The following C1orf50 variants were observed in gnomAD, a reference collection of about 807,000 sequenced individuals.
C1orf50 encodes the protein chromosome 1 open reading frame 50.
Under a neutral mutation model 23.3 loss-of-function variants are expected in C1orf50, and 22 were observed. That is an observed-to-expected ratio of 0.94 (90% CI 0.67 to 1.35). C1orf50 has a LOEUF of 1.35. Ranked by LOEUF, C1orf50 falls within the 40% of genes most tolerant of loss-of-function variation. The probability of loss-of-function intolerance (pLI) is 0.00; values close to 1 mark genes in which losing one functional copy is unlikely to be tolerated. For missense variants in C1orf50, 271 were observed against 249.4 expected (o/e 1.09, Z -0.58); for synonymous variants, 96 against 102.4 (o/e 0.94, Z 0.38).
chr1:42,771,951 C>T (rs2760074), intron 2 of C1orf50, among the ~76,000 whole-genome samples: 99,003 of 150,150 alleles, frequency 0.66, 32,876 homozygotes, highest in South Asian at 0.82. Context: ...TTCCAGCCTC[C>T]GTGACAGAGC....
intron 2 of C1orf50, among the ~76,000 whole-genome samples, chr1:42,770,741 T>C (rs893900818): frequency 1.1e-4 from 16 of 152,304 alleles, no homozygotes; most frequent in Admixed American, 2.6e-4. Flanking sequence ...CTTTCATTCT[T>C]GGAACAAAAT....
At chr1:42,770,619 A>G (rs1355339204) in intron 2 of C1orf50, among the ~76,000 whole-genome samples, 1 of 152,122 alleles carries the variant, frequency 6.6e-6, no homozygotes, top group African/African-American at 2.4e-5. Flanking sequence ...TTTAGTAGAG[A>G]CAGGGTTTCT....
At chr1:42,768,192 C>T (rs1653128243) in intron 2 of C1orf50, among the ~76,000 whole-genome samples, 1 of 152,136 alleles carries the variant, frequency 6.6e-6, no homozygotes, top group South Asian at 2.1e-4. Context: ...GAGTATTAAT[C>T]CCACTTTTGA....
At chr1:42,774,280 T>G (rs1653284947) in intron 3 of C1orf50, among the ~76,000 whole-genome samples, 1 of 152,120 alleles carries the variant, frequency 6.6e-6, no homozygotes, top group South Asian at 2.1e-4. Flanking sequence ...CAGGCTGGAC[T>G]GCAGTGGTGT....
Position 42,776,674 on chromosome 1 carries a change from C to T in C1orf50, c.*1280C>T, listed in dbSNP as rs1006009648. On this transcript the variant is annotated 3_prime_UTR_variant, in exon 5 of 5. Coordinates refer to ENST00000372525, the MANE Select transcript of C1orf50 (RefSeq NM_024097.4). ...ATCTAACAAACTCACTCCGATGATA[C>T]TTGGTTGCTCGGTTCACATGGGAAT... 3 of 152,224 alleles carry T rather than the reference C, an allele frequency of 2.0e-5. No homozygotes were observed. Among genetic ancestry groups the T allele is most frequent in the African/African-American group, 7.2e-5 (3 of 41,446 alleles). The allele number at this position is 152,224 out of a possible 1,614,324, so 9.4% of individuals were successfully genotyped here.
At position 42,779,187 on chromosome 1, in the gene C1orf50, C is replaced by T. The variant is rs912755270; in HGVS notation, c.*3793C>T. 1.3e-5 allele frequency: 2 copies of T among 151,870 alleles called. No individual in the cohort carries two copies. Among genetic ancestry groups the T allele is most frequent in the African/African-American group, 4.8e-5 (2 of 41,318 alleles). The allele number at this position is 151,870 out of a possible 1,614,324, so 9.4% of individuals were successfully genotyped here. On this transcript the variant is annotated 3_prime_UTR_variant, in exon 5 of 5. Transcript: ENST00000372525. The stretch of plus-strand genomic sequence containing the variant: ...GGTCAGGAGATTGAGACCATTCTGG[C>T]TAACATAGTGAAATCCTGTCTCTAC...
intron 3 of C1orf50, 41 bp downstream of exon 3, chr1:42,773,690 T>A: frequency 7.2e-7 from 1 of 1,382,646 alleles, no homozygotes; most frequent in Non-Finnish European, 1.0e-6. Context: ...TTTCTTTATT[T>A]AGTTCTCAGG....
intron 2 of C1orf50, among the ~76,000 whole-genome samples, chr1:42,768,615 A>G (rs538399036): frequency 4.6e-5 from 7 of 152,274 alleles, no homozygotes; most frequent in Non-Finnish European, 1.0e-4. Flanking sequence ...CCTTTAATTC[A>G]AAACTTGGCT....
intron 2 of C1orf50, among the ~76,000 whole-genome samples, chr1:42,769,356 G>A (rs1327651793): frequency 2.0e-5 from 3 of 151,616 alleles, no homozygotes; most frequent in East Asian, 3.9e-4. Context: ...GACCAACCTG[G>A]GCGACATGTG....
At chr1:42,770,910 C>T (rs918324335) in intron 2 of C1orf50, among the ~76,000 whole-genome samples, 5 of 152,004 alleles carry the variant, frequency 3.3e-5, no homozygotes, top group African/African-American at 1.2e-4. Flanking sequence ...ATGGTCGGTC[C>T]TCTCCTTTCA....
In C1orf50 at chr1:42,775,225, G is replaced by C. The variant is rs937579945; in HGVS notation, c.431G>C (p.Cys144Ser). ...IISPKEWGTS[C>S]PHDFLGAYKL... The stretch of plus-strand genomic sequence containing the variant: ...CTTCTCTAGGAATGGGGGACAAGTT[G>C]TCCACATGACTTCCTTGGTGCCTAC... Residue 144 changes from cysteine (C) to serine (S), a missense_variant, in exon 5 of 5, where the codon TGT (cysteine) becomes TCT (serine). Physicochemically the swap from Cys to Ser is moderately radical, Grantham distance 112. Transcript: ENST00000372525. The C allele has an allele frequency of 2.5e-6, 4 of 1,594,320 alleles. No homozygotes were observed. Among genetic ancestry groups the C allele is most frequent in the Admixed American group, 1.7e-5 (1 of 59,760 alleles).
rs1236075708 is a variant in C1orf50, at chr1:42,778,375, T to C, written c.*2981T>C. 1 of 152,208 alleles carries C rather than the reference T, an allele frequency of 6.6e-6. No individual in the cohort carries two copies. Among genetic ancestry groups the C allele is most frequent in the Admixed American group, 6.5e-5 (1 of 15,280 alleles). The allele number at this position is 152,208 out of a possible 1,614,324, so 9.4% of individuals were successfully genotyped here. On this transcript the variant is annotated 3_prime_UTR_variant, in exon 5 of 5. Coordinates refer to ENST00000372525, the MANE Select transcript of C1orf50 (RefSeq NM_024097.4). ...TGATAGAGGTACGCATGGAATACTA[T>C]GGAGCTCCGGGGAGGGGTTCCTTAC...
rs534245163 is a variant in C1orf50, at chr1:42,771,840, T to TG, written c.196-1721dup. 5.9e-5 allele frequency among the ~76,000 whole-genome samples: 9 copies of TG among 152,054 alleles called. No individual in the cohort carries two copies. The South Asian group carries it at 1.9e-3, about 32-fold the overall frequency. On this transcript the variant is annotated intron_variant, in intron 2 of 4. Transcript: ENST00000372525. ...TAAAAATACAAAAATTAGCGGGGCA[T>TG]GGTGACGCATGCCTGTGGTCCTAGC...
chr1:42,772,482 A>AT (rs1653243310), intron 2 of C1orf50, among the ~76,000 whole-genome samples: 1 of 152,168 alleles, frequency 6.6e-6, no homozygotes, highest in African/African-American at 2.4e-5. Flanking sequence ...AATTTGATCT[A>AT]TTTTAAGAAA....
In C1orf50 at chr1:42,775,755, C is replaced by T. The variant is rs1653324958; in HGVS notation, c.*361C>T. 1.1e-5 allele frequency: 1 copy of T among 93,746 alleles called. No homozygotes were observed. Among genetic ancestry groups the T allele is most frequent in the African/African-American group, 4.0e-5 (1 of 25,230 alleles). The allele number at this position is 93,746 out of a possible 1,614,324, so 5.8% of individuals were successfully genotyped here. A position where few individuals can be genotyped will look rare whatever the true frequency, so the allele number is the denominator to read the frequency against. On this transcript the variant is annotated 3_prime_UTR_variant, in exon 5 of 5. Coordinates refer to ENST00000372525, the MANE Select transcript of C1orf50 (RefSeq NM_024097.4). ...ATCGTTTTCCAGAGAGAACTGTTTT[C>T]AGTCTTTTATATATATATATATATA...
chr1:42,775,279 C>T lies in C1orf50; in HGVS notation c.485C>T (p.Pro162Leu), dbSNP rs750596118. ...CTACAGCATGACTTGTCCTGGACTC[C>T]GTATGAGGACATTGAGAAGCAAGAT... ...YKLQHDLSWTPYEDIEKQDAK... is the reference protein window; with the variant it reads ...YKLQHDLSWTLYEDIEKQDAK... The change falls in exon 5 of 5, where the codon CCG becomes CTG. Residue 162 changes from proline to leucine, a missense_variant. Pro to Leu is a moderately conservative substitution (Grantham distance 98). Transcript: ENST00000372525. 9.9e-6 allele frequency: 16 copies of T among 1,612,710 alleles called. No individual in the cohort carries two copies. Among genetic ancestry groups the T allele is most frequent in the South Asian group, 3.3e-5 (3 of 91,034 alleles).
intron 2 of C1orf50, among the ~76,000 whole-genome samples, chr1:42,768,024 T>G (rs1653123519): frequency 6.6e-6 from 1 of 152,246 alleles, no homozygotes; most frequent in Non-Finnish European, 1.5e-5. Context: ...CTTTGTTACC[T>G]GAGAGTTTAA....
In C1orf50 at chr1:42,775,642, C is replaced by T; in HGVS notation, c.*248C>T. The T allele has an allele frequency of 2.8e-6, 1 of 358,928 alleles. No homozygotes were observed. Among genetic ancestry groups the T allele is most frequent in the East Asian group, 4.2e-5 (1 of 23,842 alleles). 22.2% of individuals were successfully genotyped at this position (358,928 alleles called of 1,614,324 possible). A position where few individuals can be genotyped will look rare whatever the true frequency, so the allele number is the denominator to read the frequency against. On this transcript the variant is annotated 3_prime_UTR_variant, in exon 5 of 5. Transcript: ENST00000372525. ...AAGTCAGTCAGTTTCAGAGTATTGG[C>T]CAGTGTACTTTCCTTCTTCCTCTCC...
chr1:42,774,250 T>C (rs1393007522), intron 3 of C1orf50, among the ~76,000 whole-genome samples: 2 of 151,938 alleles, frequency 1.3e-5, no homozygotes, highest in Admixed American at 1.3e-4. Context: ...TTTTTTGAGA[T>C]AGGGTATCAC....
Sources: allele counts gnomAD v4.1 joint callset (sites outside exome capture counted in the v4.1 genomes callset), GRCh38; gene constraint gnomAD v4.1.1; transcripts MANE v1.5; gene names NCBI Gene and HGNC (gene_info 2026-07-23, HGNC 2026-07-21).